The following TMEM74 variants were observed in gnomAD, a reference collection of about 807,000 sequenced individuals.
TMEM74 encodes transmembrane protein 74.
TMEM74 carries 13 observed loss-of-function variants against 18.1 expected under a neutral mutation model. The ratio of observed to expected loss-of-function variants is 0.72; its 90% CI spans 0.47 to 1.14. TMEM74 has a LOEUF of 1.14. TMEM74 is among the 50% of genes most tolerant of loss of function. The pLI is 0.00. For synonymous variants in TMEM74, 159 were observed against 146.6 expected, an observed-to-expected ratio of 1.08 and a Z score of -0.61; for missense variants, 372 against 375.9, an observed-to-expected ratio of 0.99 and a Z score of 0.09.
chr8:108,624,676 G>A (rs999084879), intron 2 of TMEM74, among the ~76,000 whole-genome samples: 3 of 151,950 alleles, frequency 2.0e-5, no homozygotes, highest in Non-Finnish European at 2.9e-5. Context: ...CCTATCTACT[G>A]AACATGTAAT....
At chr8:108,751,234 A>T (rs1813901739) in intron 1 of TMEM74, among the ~76,000 whole-genome samples, 1 of 152,252 alleles carries the variant, frequency 6.6e-6, no homozygotes, top group South Asian at 2.1e-4. Flanking sequence ...CTTTCGGGTT[A>T]AAATATTTTG....
chr8:108,635,153 C>T (rs996061604), intron 2 of TMEM74, among the ~76,000 whole-genome samples: 2 of 151,920 alleles, frequency 1.3e-5, no homozygotes, highest in African/African-American at 4.8e-5. Context: ...AAAAAAGTAA[C>T]CCTTGGCTCC....
intron 1 of TMEM74, among the ~76,000 whole-genome samples, chr8:108,670,861 C>T (rs1812998734): frequency 6.6e-6 from 1 of 152,014 alleles, no homozygotes; most frequent in South Asian, 2.1e-4. Context: ...GATTTATAAA[C>T]CTTTATGTTC....
chr8:108,677,083 G>A (rs925152920), intron 1 of TMEM74, among the ~76,000 whole-genome samples: 1 of 152,136 alleles, frequency 6.6e-6, no homozygotes, highest in South Asian at 2.1e-4. Flanking sequence ...ATACGTCATC[G>A]TAAATCTCTT....
At chr8:108,677,675 G>A (rs942620004) in intron 1 of TMEM74, among the ~76,000 whole-genome samples, 17 of 151,650 alleles carry the variant, frequency 1.1e-4, no homozygotes, top group African/African-American at 2.4e-4. Flanking sequence ...CCATTACCTC[G>A]CAGCAAGAGG....
At chr8:108,677,583 A>G (rs1813066547) in intron 1 of TMEM74, among the ~76,000 whole-genome samples, 1 of 151,874 alleles carries the variant, frequency 6.6e-6, no homozygotes, top group Non-Finnish European at 1.5e-5. Context: ...ATCATGCACA[A>G]TCTGAAAAGA....
chr8:108,696,362 G>A (rs759762349), intron 1 of TMEM74, among the ~76,000 whole-genome samples: 1 of 152,192 alleles, frequency 6.6e-6, no homozygotes, highest in Non-Finnish European at 1.5e-5. Context: ...TAAAAAACTT[G>A]TTCAAAGGGT....
chr8:108,699,176 C>CCTTCCTTCCTTCCTTCCTTT (rs1813311048), intron 1 of TMEM74, among the ~76,000 whole-genome samples: 1 of 92,952 alleles, frequency 1.1e-5, no homozygotes, highest in Non-Finnish European at 2.0e-5. Context: ...TTCCTTCCTT[C>CCTTCCTTCCTTCCTTCCTTT]CTTCCTTCCT....
chr8:108,698,729 C>T (rs529629755), intron 1 of TMEM74, among the ~76,000 whole-genome samples: 1 of 152,258 alleles, frequency 6.6e-6, no homozygotes, highest in African/African-American at 2.4e-5. Context: ...CACATAGGGC[C>T]ATATCTATGC....
chr8:108,660,210 A>C (rs1432622259), intron 1 of TMEM74, among the ~76,000 whole-genome samples: 1 of 152,190 alleles, frequency 6.6e-6, no homozygotes, highest in Admixed American at 6.6e-5. Flanking sequence ...GTCATCAAAG[A>C]CTGGCAATTC....
chr8:108,674,377 C>A (rs570442537), intron 1 of TMEM74, among the ~76,000 whole-genome samples: 3 of 152,250 alleles, frequency 2.0e-5, no homozygotes, highest in Non-Finnish European at 4.4e-5. Context: ...ATACTGGAAA[C>A]AAATATCCTT....
chr8:108,702,346 A>G (rs1813345191), intron 1 of TMEM74, among the ~76,000 whole-genome samples: 1 of 149,780 alleles, frequency 6.7e-6, no homozygotes, highest in Non-Finnish European at 1.5e-5. Context: ...CTCCATCTAA[A>G]AAAAAAAAAA....
At chr8:108,614,541 C>T (rs1192684237) in intron 2 of TMEM74, among the ~76,000 whole-genome samples, 1 of 152,084 alleles carries the variant, frequency 6.6e-6, no homozygotes, top group Non-Finnish European at 1.5e-5. Context: ...TGTGAAAATT[C>T]CTGTAGGAAG....
intron 1 of TMEM74, among the ~76,000 whole-genome samples, chr8:108,751,924 GA>G (rs1813907442): frequency 6.6e-6 from 1 of 152,082 alleles, no homozygotes; most frequent in Non-Finnish European, 1.5e-5. Flanking sequence ...GGAATGCAGG[GA>G]ACTTGCCTTA....
chr8:108,639,215 G>T (rs770720958), intron 2 of TMEM74, among the ~76,000 whole-genome samples: 1 of 152,100 alleles, frequency 6.6e-6, no homozygotes, highest in Non-Finnish European at 1.5e-5. Flanking sequence ...AAGGTAGTTG[G>T]TTACTTAGCA....
chr8:108,739,863 C>A (rs758078727), intron 1 of TMEM74, among the ~76,000 whole-genome samples: 1 of 151,892 alleles, frequency 6.6e-6, no homozygotes, highest in Non-Finnish European at 1.5e-5. Context: ...CGAAGTCCGG[C>A]GGAGTCAAAG....
At position 108,782,080 on chromosome 8, in the gene TMEM74, CT is replaced by C. The variant is rs1352103071; in HGVS notation, c.*2100del. 3.3e-5 allele frequency among the ~76,000 whole-genome samples: 5 copies of C among 151,850 alleles called. No individual in the cohort carries two copies. The highest frequency in any genetic ancestry group is 1.2e-4 in the African/African-American group (5 of 41,308). ...ACATTAGTTTTTTCTTTAATGCCTT[CT>C]TTTTTTTAATGCCTTCTTTTTTTAA... On this transcript the variant is annotated 3_prime_UTR_variant, in exon 2 of 2. Coordinates refer to ENST00000297459, the MANE Select transcript of TMEM74 (RefSeq NM_153015.3).
At chr8:108,676,681 C>G (rs1366042192) in intron 1 of TMEM74, among the ~76,000 whole-genome samples, 2 of 152,100 alleles carry the variant, frequency 1.3e-5, no homozygotes, top group South Asian at 2.1e-4. Context: ...CTCTCCTTCC[C>G]CCTTCTCAAA....
chr8:108,755,882 A>T (rs1486648095), intron 1 of TMEM74, among the ~76,000 whole-genome samples: 1 of 152,060 alleles, frequency 6.6e-6, no homozygotes, highest in African/African-American at 2.4e-5. Flanking sequence ...ATAGGCAAAG[A>T]CAAAGAGAAA....
Sources: allele counts gnomAD v4.1 joint callset (sites outside exome capture counted in the v4.1 genomes callset), GRCh38; gene constraint gnomAD v4.1.1; transcripts MANE v1.5; gene names NCBI Gene and HGNC (gene_info 2026-07-23, HGNC 2026-07-21).